Variants in THOC7 observed in about 807,000 individuals in gnomAD.
THOC7 encodes THO complex subunit 7, also known as NIF3L1-binding protein 1.
A neutral mutation model predicts 33.1 loss-of-function variants in THOC7; 22 were observed. The observed-to-expected ratio is 0.66, with a 90% CI of 0.47 to 0.95. THOC7 has a LOEUF of 0.95. THOC7 is among the 40% of genes least tolerant of loss of function. The pLI is 0.00. For synonymous variants in THOC7, 77 were observed against 76.8 expected, an observed-to-expected ratio of 1.00 and a Z score of -0.01; for missense variants, 184 against 245.3, an observed-to-expected ratio of 0.75 and a Z score of 1.67.
At chr3:63,845,082 G>A (rs1428705502) in intron 1 of THOC7, 1 of 697,522 alleles carries the variant, frequency 1.4e-6, no homozygotes. Context: ...CACAGGAAAA[G>A]GTGATGCTAA....
intron 1 of THOC7, among the ~76,000 whole-genome samples, chr3:63,858,132 T>C (rs537368874): frequency 5.3e-5 from 8 of 152,330 alleles, no homozygotes; most frequent in Middle Eastern, 3.4e-3. Flanking sequence ...TATACCACCC[T>C]AGTTGGTGAC....
chr3:63,844,075 A>C (rs190821818), intron 1 of THOC7, among the ~76,000 whole-genome samples: 1 of 152,338 alleles, frequency 6.6e-6, no homozygotes, highest in Admixed American at 6.5e-5. Flanking sequence ...AGAGAACATT[A>C]TGCTAGGTGA....
intron 1 of THOC7, among the ~76,000 whole-genome samples, chr3:63,842,648 T>C (rs60290153): frequency 0.021 from 3,200 of 152,118 alleles, 95 homozygotes; most frequent in African/African-American, 0.072. Flanking sequence ...AGCTAAGCTA[T>C]GAGGACACCA....
chr3:63,847,986 A>T (rs1194183290), intron 1 of THOC7, among the ~76,000 whole-genome samples: 2 of 152,230 alleles, frequency 1.3e-5, no homozygotes, highest in Non-Finnish European at 2.9e-5. Flanking sequence ...ATTCAGGCAC[A>T]ACTGACCAGC....
At chr3:63,851,802 G>A (rs964008340) in intron 1 of THOC7, among the ~76,000 whole-genome samples, 3 of 152,060 alleles carry the variant, frequency 2.0e-5, no homozygotes, top group Non-Finnish European at 4.4e-5. Flanking sequence ...TCTGCTCCTC[G>A]GCTTATTGGA....
intron 2 of THOC7, 80 bp downstream of exon 2, chr3:63,839,576 G>C (rs1701712944): frequency 3.4e-6 from 3 of 881,842 alleles, no homozygotes; most frequent in Non-Finnish European, 5.2e-6. Flanking sequence ...GTGAAAATTT[G>C]ATCTACTCAC....
intron 1 of THOC7, among the ~76,000 whole-genome samples, chr3:63,850,373 C>G (rs528740800): frequency 6.7e-6 from 1 of 149,914 alleles, no homozygotes; most frequent in East Asian, 2.0e-4. Flanking sequence ...GCTAATTTTT[C>G]TATTTTTAGG....
intron 1 of THOC7, chr3:63,860,869 G>C (rs1051842914): frequency 5.3e-5 from 8 of 152,150 alleles, no homozygotes; most frequent in African/African-American, 1.9e-4. Flanking sequence ...AATATGGCTA[G>C]TAGGCAGAAG....
chr3:63,848,030 A>G (rs1257005973), intron 1 of THOC7, among the ~76,000 whole-genome samples: 2 of 152,196 alleles, frequency 1.3e-5, no homozygotes, highest in Non-Finnish European at 1.5e-5. Flanking sequence ...AAGACTGACC[A>G]AACAGACTCT....
At chr3:63,844,910 G>T (rs1178320191) in intron 1 of THOC7, 6 of 542,170 alleles carry the variant, frequency 1.1e-5, no homozygotes, top group Non-Finnish European at 2.0e-5. Flanking sequence ...CTGGCAGTGT[G>T]GCTGTTGCTA....
At chr3:63,844,917 G>A in intron 1 of THOC7, 1 of 552,108 alleles carries the variant, frequency 1.8e-6, no homozygotes, top group East Asian at 2.8e-5. Context: ...TGTGGCTGTT[G>A]CTATAATACC....
At chr3:63,864,072 C>G (rs922721672), upstream of THOC7, among the ~76,000 whole-genome samples, 4 of 145,752 alleles carry the variant, frequency 2.7e-5, no homozygotes, top group Non-Finnish European at 6.1e-5. Flanking sequence ...GCGGCCCCGG[C>G]TGCAGCCCGG....
intron 4 of THOC7, among the ~76,000 whole-genome samples, 167 bp from the exon 5 acceptor site, chr3:63,836,525 T>G (rs1342124539): frequency 6.6e-6 from 1 of 152,028 alleles, no homozygotes; most frequent in Non-Finnish European, 1.5e-5. Flanking sequence ...GTTATAATTA[T>G]AACGATACAT....
chr3:63,837,759 T>C (rs1321079618), intron 4 of THOC7, among the ~76,000 whole-genome samples: 1 of 151,942 alleles, frequency 6.6e-6, no homozygotes, highest in Non-Finnish European at 1.5e-5. Flanking sequence ...AGAAAAGAAA[T>C]ACTTGGATAA....
intron 1 of THOC7, among the ~76,000 whole-genome samples, chr3:63,849,202 C>T (rs141646169): frequency 0.023 from 3,578 of 152,256 alleles, 79 homozygotes; most frequent in African/African-American, 0.059. Context: ...GCCTGGCCAA[C>T]ATGGTGAAAC....
intron 2 of THOC7, among the ~76,000 whole-genome samples, chr3:63,839,375 T>A (rs1701706068): frequency 6.6e-6 from 1 of 152,136 alleles, no homozygotes; most frequent in African/African-American, 2.4e-5. Context: ...ATTTAGATAT[T>A]TTATCTTACT....
chr3:63,842,587 G>T (rs1179313389), intron 1 of THOC7, among the ~76,000 whole-genome samples: 1 of 152,156 alleles, frequency 6.6e-6, no homozygotes, highest in Non-Finnish European at 1.5e-5. Context: ...TCTAAGTGAA[G>T]TAACTCAGGA....
chr3:63,842,988 A>G (rs1559604708), intron 1 of THOC7, among the ~76,000 whole-genome samples: 1 of 151,674 alleles, frequency 6.6e-6, no homozygotes, highest in Non-Finnish European at 1.5e-5. Context: ...GAGTTTCACC[A>G]TGCTGCCCAG....
intron 7 of THOC7, 31 bp from the exon 8 acceptor site, chr3:63,834,230 G>T: frequency 6.2e-7 from 1 of 1,608,028 alleles, no homozygotes; most frequent in Non-Finnish European, 8.5e-7. Flanking sequence ...TAAAACCTTA[G>T]TCAAGTTTGC....
Sources: gnomAD v4.1 joint callset for allele counts (sites outside exome capture counted in the v4.1 genomes callset) on GRCh38, gnomAD v4.1.1 for gene constraint, MANE v1.5 for transcripts, NCBI Gene and HGNC (gene_info 2026-07-23, HGNC 2026-07-21) for gene names.